The following FHAD1 variants were observed in gnomAD, a reference collection of about 807,000 sequenced individuals.
The protein encoded by FHAD1 is forkhead associated phosphopeptide binding domain 1.
FHAD1 carries 146 observed loss-of-function variants against 191.3 expected under a neutral mutation model. That is an observed-to-expected ratio of 0.76 (90% CI 0.67 to 0.88). The LOEUF (loss-of-function observed/expected upper bound fraction) is 0.88. Ranked by LOEUF, FHAD1 falls within the 40% of genes least tolerant of loss-of-function variation. FHAD1 has a pLI of 0.00. For synonymous variants in FHAD1, 616 were observed against 672.3 expected (o/e 0.92, Z 1.29); for missense variants, 1,635 against 1,785.8 (o/e 0.92, Z 1.52).
intron 22 of FHAD1, among the ~76,000 whole-genome samples, chr1:15,361,457 T>C (rs1694785561): frequency 6.6e-6 from 1 of 151,518 alleles, no homozygotes; most frequent in African/African-American, 2.4e-5. Context: ...AACATGGCTG[T>C]AGTCCCCAGC....
At chr1:15,240,644 A>G (rs1416607418) in intron 1 of FHAD1, among the ~76,000 whole-genome samples, 134 of 150,144 alleles carry the variant, frequency 8.9e-4, no homozygotes, top group Admixed American at 1.6e-3. Context: ...AAAAAAAAAA[A>G]AAAGAAAGAA....
Position 15,328,442 on chromosome 1 carries a change from T to TA in FHAD1, c.1710+14dup, listed in dbSNP as rs1469870151. 4.1e-6 allele frequency: 6 copies of TA among 1,458,500 alleles called. No homozygotes were observed. In the Admixed American group the frequency reaches 8.3e-5, roughly 20 times the overall value. The allele number at this position is 1,458,500 out of a possible 1,614,324, so 90.3% of individuals were successfully genotyped here. The stretch of plus-strand genomic sequence containing the variant: ...GGACAGCTGCCAGGTGGCCCCTCCT[T>TA]ACGCTTTCCACAAATGGTCTCTTTG... On this transcript the variant is annotated intron_variant, in intron 13 of 33. Coordinates refer to ENST00000688493, the MANE Select transcript of FHAD1 (RefSeq NM_001391957.1).
chr1:15,241,219 A>G (rs1228845508), intron 1 of FHAD1, among the ~76,000 whole-genome samples: 1 of 152,236 alleles, frequency 6.6e-6, no homozygotes, highest in Non-Finnish European at 1.5e-5. Flanking sequence ...CGACAGAGCA[A>G]TGAGAATGAA....
intron 4 of FHAD1, among the ~76,000 whole-genome samples, chr1:15,290,682 T>G (rs1349386633): frequency 1.3e-5 from 2 of 150,372 alleles, no homozygotes; most frequent in African/African-American, 4.9e-5. Flanking sequence ...TCCCCCAACA[T>G]TTTAATATGA....
At chr1:15,374,406 TG>T in intron 26 of FHAD1, 95 bp from the exon 27 acceptor site, 1 of 1,445,058 alleles carries the variant, frequency 6.9e-7, no homozygotes, top group Non-Finnish European at 9.3e-7. Context: ...GCTAAGTGAC[TG>T]GGTTCCTCTA....
At chr1:15,348,792 G>T (rs568603769) in intron 18 of FHAD1, among the ~76,000 whole-genome samples, 5 of 152,178 alleles carry the variant, frequency 3.3e-5, no homozygotes, top group Admixed American at 1.3e-4. Flanking sequence ...CTGACAAAGG[G>T]TGTGGCTCTG....
chr1:15,324,371 C>A, intron 10 of FHAD1, 81 bp from the exon 11 acceptor site: 1 of 1,131,536 alleles, frequency 8.8e-7, no homozygotes, highest in Non-Finnish European at 1.3e-6. Context: ...CCCCCACGGC[C>A]ATTAGACATC....
intron 1 of FHAD1, among the ~76,000 whole-genome samples, chr1:15,249,533 C>A (rs2100736799): frequency 6.6e-6 from 1 of 152,202 alleles, no homozygotes; most frequent in South Asian, 2.1e-4. Context: ...TTAAAGACAG[C>A]AGACTTAAAA....
At chr1:15,255,794 A>C (rs1045019799) in intron 2 of FHAD1, among the ~76,000 whole-genome samples, 8 of 152,356 alleles carry the variant, frequency 5.3e-5, no homozygotes, top group Admixed American at 2.6e-4. Flanking sequence ...GGAGAGCCTG[A>C]TGGACTGAAA....
rs752130690 is a variant in FHAD1 at position 15,381,771 on chromosome 1, C to T, written c.4023-257C>T. Among the ~76,000 whole-genome samples, 5 of 151,980 alleles carry T rather than the reference C, an allele frequency of 3.3e-5. No homozygotes were observed. Among genetic ancestry groups the T allele is most frequent in the African/African-American group, 7.2e-5 (3 of 41,382 alleles). ...ACAGCTCCGTCATATTTTCAAGAGTCGCAGTTCCCCACTCCCCAGGAAGTC... is the reference window on the plus strand; with the variant it reads ...ACAGCTCCGTCATATTTTCAAGAGTTGCAGTTCCCCACTCCCCAGGAAGTC... On this transcript the variant is annotated intron_variant, in intron 30 of 33. Transcript: ENST00000688493. This position sits in a 1 kb window ranked among gnomAD's most constrained non-coding sequence, Gnocchi z 4.6.
chr1:15,317,366 C>T (rs1182185014), intron 9 of FHAD1, among the ~76,000 whole-genome samples: 3 of 152,200 alleles, frequency 2.0e-5, no homozygotes, highest in Non-Finnish European at 2.9e-5. Context: ...ACTTGCTCTT[C>T]CCCACGCCAG....
rs973874951 is a variant in FHAD1, at chr1:15,345,474, A to G, written c.2297A>G (p.Glu766Gly). Residue 766 changes from glutamate to glycine, a missense_variant, in exon 18 of 34, where the codon GAG (glutamate) becomes GGG (glycine). By Grantham distance (98) the Glu-to-Gly change is moderately conservative. Transcript: ENST00000688493. Reference protein sequence around the residue: ...KNRVKEALEEEQTRVQELEER... With the variant: ...KNRVKEALEEGQTRVQELEER... ...AGAGTGAAGGAAGCATTAGAGGAAG[A>G]GCAGACAAGAGTCCAAGAGCTGGAG... 1.3e-6 allele frequency: 2 copies of G among 1,552,198 alleles called. No individual in the cohort carries two copies. The highest frequency in any genetic ancestry group is 1.7e-6 in the Non-Finnish European group (2 of 1,147,140).
chr1:15,294,863 C>T (rs1666388177), intron 4 of FHAD1, among the ~76,000 whole-genome samples: 1 of 152,224 alleles, frequency 6.6e-6, no homozygotes, highest in African/African-American at 2.4e-5. Context: ...TGGTGGTGCT[C>T]GCCCTTCTCC....
intron 4 of FHAD1, among the ~76,000 whole-genome samples, chr1:15,293,455 C>A (rs1010223291): frequency 2.6e-5 from 4 of 152,190 alleles, no homozygotes; most frequent in Non-Finnish European, 4.4e-5. Context: ...CGCGGTGGCT[C>A]ATGCCTGTAA....
chr1:15,388,339 TC>T, intron 32 of FHAD1: 1 of 606,276 alleles, frequency 1.6e-6, no homozygotes. Context: ...CTCCCTCCCC[TC>T]CCCAGGCCCT....
At chr1:15,292,321 T>TG (rs200437198) in intron 4 of FHAD1, among the ~76,000 whole-genome samples, 389 of 148,416 alleles carry the variant, frequency 2.6e-3, no homozygotes, top group African/African-American at 9.2e-3. Context: ...CTAATTTTTG[T>TG]GGGGTTTTTT....
chr1:15,249,588 C>T (rs1386319313), intron 1 of FHAD1, among the ~76,000 whole-genome samples: 2 of 152,202 alleles, frequency 1.3e-5, no homozygotes, highest in African/African-American at 4.8e-5. Context: ...CTGAGGATTT[C>T]TCATAGGCTT....
chr1:15,316,479 T>C lies in FHAD1; in HGVS notation c.1260+12T>C, dbSNP rs1448728296. Reference sequence around the variant, plus strand: ...AACTCTGCAAAACCGTGAGTTGAGCTTCCTCCTTTGTAGGTACCACCAGAA... The same window carrying C: ...AACTCTGCAAAACCGTGAGTTGAGCCTCCTCCTTTGTAGGTACCACCAGAA... On this transcript the variant is annotated intron_variant, in intron 9 of 33. Transcript: ENST00000688493. The surrounding 1 kb of genome is among the most constrained non-coding windows in gnomAD (Gnocchi z 4.3). 1.9e-6 allele frequency: 3 copies of C among 1,551,006 alleles called. No homozygotes were observed. The highest frequency in any genetic ancestry group is 3.9e-5 in the Admixed American group (2 of 50,992).
At chr1:15,249,815 C>T (rs1752010) in intron 1 of FHAD1, among the ~76,000 whole-genome samples, 44,210 of 151,850 alleles carry the variant, frequency 0.29, 7,485 homozygotes, top group Non-Finnish European at 0.39. Flanking sequence ...CCATCCCCTC[C>T]CCACCCAGCA....
Sources: gnomAD v4.1 joint callset for allele counts (sites outside exome capture counted in the v4.1 genomes callset) on GRCh38, gnomAD v4.1.1 for gene constraint, Gnocchi (gnomAD v3.1) non-coding constraint, MANE v1.5 for transcripts, NCBI Gene and HGNC (gene_info 2026-07-23, HGNC 2026-07-21) for gene names.